Variants in CTBP2 observed in about 807,000 individuals in gnomAD.
The protein encoded by CTBP2 is C-terminal-binding protein 2.
Under a neutral mutation model 80.3 loss-of-function variants are expected in CTBP2, and 30 were observed. The ratio of observed to expected loss-of-function variants is 0.37; its 90% CI spans 0.28 to 0.51. The LOEUF is 0.51. Ranked by LOEUF, CTBP2 falls within the 20% of genes least tolerant of loss-of-function variation. The pLI, the probability that CTBP2 is intolerant of heterozygous loss-of-function variation, is 0.93. For missense variants in CTBP2, 1,212 were observed against 1,375.3 expected, an observed-to-expected ratio of 0.88 and a Z score of 1.88; for synonymous variants, 594 against 587.4, an observed-to-expected ratio of 1.01 and a Z score of -0.16.
chr10:125,022,830 C>T (rs184723802), intron 1 of CTBP2, among the ~76,000 whole-genome samples: 5 of 152,328 alleles, frequency 3.3e-5, no homozygotes, highest in East Asian at 3.9e-4. Flanking sequence ...AAGAGCAGTG[C>T]GTCCTCTGCC....
At chr10:125,150,620 T>C (rs1040897624) in intron 1 of CTBP2, among the ~76,000 whole-genome samples, 1 of 151,710 alleles carries the variant, frequency 6.6e-6, no homozygotes, top group Non-Finnish European at 1.5e-5. Context: ...TGACTCTTCA[T>C]TGGTAAAACA....
At chr10:125,039,607 A>G (rs1959188314) in intron 2 of CTBP2, among the ~76,000 whole-genome samples, 1 of 152,256 alleles carries the variant, frequency 6.6e-6, no homozygotes, top group African/African-American at 2.4e-5. Flanking sequence ...CAGGTGAGTT[A>G]CAACAATGCT....
At chr10:125,013,402 T>C (rs923070632) in intron 1 of CTBP2, among the ~76,000 whole-genome samples, 7 of 152,312 alleles carry the variant, frequency 4.6e-5, no homozygotes, top group African/African-American at 1.2e-4. Context: ...AGTTGTAAAA[T>C]AGTCTCGTGC....
chr10:125,023,987 G>A (rs1288233713), intron 1 of CTBP2, among the ~76,000 whole-genome samples: 1 of 152,122 alleles, frequency 6.6e-6, no homozygotes. Flanking sequence ...TCAGGCTGGC[G>A]GCGTCCCAAA....
rs760653873 is a variant in CTBP2, at chr10:124,985,006, ACAG to A, written c.*4509_*4511del. 6 of 1,575,594 alleles carry A rather than the reference ACAG, an allele frequency of 3.8e-6. No homozygotes were observed. The highest frequency in any genetic ancestry group is 1.1e-5 in the South Asian group (1 of 88,150). On this transcript the variant is annotated 3_prime_UTR_variant, in exon 9 of 9. Transcript: ENST00000309035. ...GAAGATGAATGAAAAAAAAAATCAA[ACAG>A]CAGAAGACCAAGGCATCAGATCTGT...
intron 2 of CTBP2, among the ~76,000 whole-genome samples, chr10:125,074,889 G>A (rs1846051654): frequency 6.6e-6 from 1 of 152,240 alleles, no homozygotes; most frequent in Non-Finnish European, 1.5e-5. Context: ...CAATGGCACA[G>A]TGACACTGGA....
Position 124,994,677 on chromosome 10 carries a change from G to A in CTBP2, c.2192C>T (p.Thr731Met), listed in dbSNP as rs756655069. ...GGCTCGAACTGCAACCGCCTGCCCC[G>A]TGCGACCTGTACAGAAACAGAGCGT... The change falls in exon 5 of 9, where the codon ACG (threonine) becomes ATG (methionine). Residue 731 changes from threonine (T) to methionine (M), a missense_variant. Thr to Met is a moderately conservative substitution (Grantham distance 81). Around this residue, in one of 3 missense-constraint regions of CTBP2, gnomAD observed 335 missense variants for 504.7 expected, o/e 0.66. Coordinates refer to ENST00000309035, the MANE Select transcript of CTBP2 (RefSeq NM_022802.3). The A allele has an allele frequency of 9.3e-6, 15 of 1,614,044 alleles. No homozygotes were observed. The highest frequency in any genetic ancestry group is 8.0e-5 in the African/African-American group (6 of 74,936).
At chr10:125,003,317 G>C in intron 2 of CTBP2, 21 bp downstream of exon 4, 1 of 1,604,478 alleles carries the variant, frequency 6.2e-7, no homozygotes, top group Non-Finnish European at 8.5e-7. Context: ...TGCAGGCCCC[G>C]GCCGGGCAGG....
At chr10:125,093,385 T>C (rs1849075611) in intron 2 of CTBP2, among the ~76,000 whole-genome samples, 1 of 152,234 alleles carries the variant, frequency 6.6e-6, no homozygotes, top group Non-Finnish European at 1.5e-5. Flanking sequence ...GAGAACATTC[T>C]AGCCACTTCT....
chr10:125,036,144 C>A (rs1389703194), intron 3 of CTBP2, among the ~76,000 whole-genome samples: 1 of 152,166 alleles, frequency 6.6e-6, no homozygotes, highest in Non-Finnish European at 1.5e-5. Context: ...ACGGCAGATT[C>A]TGGGCACACA....
At chr10:125,133,568 G>A (rs1856511529) in intron 1 of CTBP2, 1 of 152,262 alleles carries the variant, frequency 6.6e-6, no homozygotes, top group Non-Finnish European at 1.5e-5. Flanking sequence ...CCTCTTCGGA[G>A]GGTGTCTGAG....
intron 2 of CTBP2, among the ~76,000 whole-genome samples, chr10:125,068,640 G>C (rs763577967): frequency 2.6e-5 from 4 of 152,292 alleles, no homozygotes; most frequent in Admixed American, 6.5e-5. Context: ...GGGTGCAAAG[G>C]TCTTAGTGCC....
In CTBP2 at chr10:125,027,572, G is replaced by A. The variant is rs1957776434; in HGVS notation, c.188C>T (p.Pro63Leu). The change falls in exon 1 of 9, where the codon CCC becomes CTC. Residue 63 changes from proline (P) to leucine (L), a missense_variant. Pro to Leu is a moderately conservative substitution (Grantham distance 98). This residue lies in a region of CTBP2 where 848 missense variants were observed against 782.3 expected (regional missense o/e 1.08). Transcript: ENST00000309035. ...GTACAGGTAGGGCTCGGCGGCCACGGGCAGGGCAGCGTCCTGTGGTCGGTG... is the reference window on the plus strand; with the variant it reads ...GTACAGGTAGGGCTCGGCGGCCACGAGCAGGGCAGCGTCCTGTGGTCGGTG... The A allele has an allele frequency of 1.2e-6, 2 of 1,614,078 alleles. No individual in the cohort carries two copies. The highest frequency in any genetic ancestry group is 1.7e-6 in the Non-Finnish European group (2 of 1,180,008).
At chr10:125,108,911 G>C (rs1315381643) in intron 2 of CTBP2, among the ~76,000 whole-genome samples, 1 of 152,244 alleles carries the variant, frequency 6.6e-6, no homozygotes, top group Non-Finnish European at 1.5e-5. Flanking sequence ...TACAGGAATG[G>C]TGGGAACCCC....
At chr10:125,062,958 G>GAACAGAC (rs1590438696) in intron 2 of CTBP2, among the ~76,000 whole-genome samples, 1 of 152,380 alleles carries the variant, frequency 6.6e-6, no homozygotes, top group East Asian at 1.9e-4. Flanking sequence ...GAGGCTGGCT[G>GAACAGAC]AACAGACAAC....
intron 1 of CTBP2, among the ~76,000 whole-genome samples, chr10:125,157,234 G>A (rs1861080349): frequency 6.6e-6 from 1 of 152,140 alleles, no homozygotes; most frequent in South Asian, 2.1e-4. Context: ...AATCAGTTAA[G>A]AAAAGGTAAT....
intron 2 of CTBP2, among the ~76,000 whole-genome samples, chr10:125,070,387 G>GT (rs1317009196): frequency 6.6e-6 from 1 of 151,576 alleles, no homozygotes; most frequent in Non-Finnish European, 1.5e-5. Flanking sequence ...TCGTACTAAT[G>GT]TAAGATGTTA....
intron 2 of CTBP2, among the ~76,000 whole-genome samples, chr10:125,058,409 T>C (rs543652917): frequency 9.2e-5 from 14 of 152,308 alleles, no homozygotes; most frequent in African/African-American, 3.4e-4. Flanking sequence ...CCCTGAGTTT[T>C]GCCTTTTCCA....
intron 3 of CTBP2, 43 bp from the exon 6 acceptor site, chr10:124,998,213 G>T (rs1265669100): frequency 6.4e-7 from 1 of 1,558,786 alleles, no homozygotes; most frequent in East Asian, 2.3e-5. Context: ...AAAACCTCAA[G>T]ATCAGTGGGG....
Sources: gnomAD v4.1 joint callset for allele counts (sites outside exome capture counted in the v4.1 genomes callset) on GRCh38, gnomAD v4.1.1 for gene constraint, gnomAD v4.1.1 regional missense constraint, MANE v1.5 for transcripts, NCBI Gene and HGNC (gene_info 2026-07-23, HGNC 2026-07-21) for gene names.